GRIN3A: variants seen among roughly 807,000 people sequenced by gnomAD.
GRIN3A encodes glutamate receptor ionotropic, NMDA 3A.
GRIN3A carries 47 observed loss-of-function variants against 92.4 expected under a neutral mutation model. The ratio of observed to expected loss-of-function variants is 0.51; its 90% confidence interval spans 0.40 to 0.65. The LOEUF (loss-of-function observed/expected upper bound fraction) is 0.65, where lower values mean the gene tolerates loss of function less well. Ranked by LOEUF, GRIN3A falls within the 30% of genes least tolerant of loss-of-function variation. GRIN3A has a pLI of 0.00. For synonymous variants in GRIN3A, 527 were observed against 540.6 expected (o/e 0.97, Z 0.35); for missense variants, 1,324 against 1,393.1 (o/e 0.95, Z 0.79).
At chr9:101,637,068 C>T (rs1219173063) in intron 3 of GRIN3A, among the ~76,000 whole-genome samples, 1 of 152,088 alleles carries the variant, frequency 6.6e-6, no homozygotes, top group Non-Finnish European at 1.5e-5. Flanking sequence ...TTCCCTCATA[C>T]ACATTTCTGC....
chr9:101,649,897 T>C (rs995899258), intron 3 of GRIN3A, among the ~76,000 whole-genome samples: 1 of 152,006 alleles, frequency 6.6e-6, no homozygotes, highest in Non-Finnish European at 1.5e-5. Context: ...GTGTAGTGCA[T>C]TTTGTCTGTT....
rs754483512 is a variant in GRIN3A, at chr9:101,669,233, G to A, written c.2352+827C>T. Among the ~76,000 whole-genome samples the A allele has an allele frequency of 7.9e-5, 12 of 152,034 alleles. No homozygotes were observed. The South Asian group carries it at 1.5e-3, about 18-fold the overall frequency. ...CAGTCCCCTCTCTCTAGTCCTATTG[G>A]GCTGGACTAATTTTCTGTACCCCAG... On this transcript the variant is annotated intron_variant, in intron 3 of 8. Transcript: ENST00000361820.
chr9:101,737,212 C>T (rs1042013879), intron 1 of GRIN3A, 69 bp downstream of exon 1: 1 of 1,312,294 alleles, frequency 7.6e-7, no homozygotes, highest in African/African-American at 1.5e-5. Context: ...GCCGTTTTCT[C>T]TCCCCTCATG....
intron 6 of GRIN3A, among the ~76,000 whole-genome samples, chr9:101,598,382 T>G (rs1461647541): frequency 1.3e-5 from 2 of 152,142 alleles, no homozygotes; most frequent in Non-Finnish European, 2.9e-5. Flanking sequence ...TATTTGATGG[T>G]TGAATTATTA....
At chr9:101,674,755 T>C (rs1829372383) in intron 2 of GRIN3A, among the ~76,000 whole-genome samples, 1 of 151,980 alleles carries the variant, frequency 6.6e-6, no homozygotes, top group Admixed American at 6.6e-5. Flanking sequence ...TCTAAACAAA[T>C]CTTCCAGAGT....
Position 101,671,066 on chromosome 9 carries a change from A to G in GRIN3A, c.1346T>C (p.Ile449Thr). ...NTTFRGLSGS[I>T]RVKGSTIVSS... Reference sequence around the variant, plus strand: ...GACGATGGTGGAACCTTTTACTCTGATGGAACCACTGAGGCCTCTGAAAGT... The same window carrying G: ...GACGATGGTGGAACCTTTTACTCTGGTGGAACCACTGAGGCCTCTGAAAGT... The change falls in exon 3 of 9, where the codon ATC (isoleucine) becomes ACC (threonine). Residue 449 changes from isoleucine to threonine, a missense_variant. Ile to Thr is a moderately conservative substitution (Grantham distance 89, BLOSUM62 -1). Transcript: ENST00000361820. The G allele has an allele frequency of 6.2e-7, 1 of 1,613,932 alleles. No individual in the cohort carries two copies. The highest frequency in any genetic ancestry group is 8.5e-7 in the Non-Finnish European group (1 of 1,179,862).
intron 3 of GRIN3A, among the ~76,000 whole-genome samples, chr9:101,636,527 G>T (rs1311605180): frequency 6.6e-6 from 1 of 152,136 alleles, no homozygotes; most frequent in East Asian, 1.9e-4. Context: ...GCAGATCAAG[G>T]ACATGAATCC....
chr9:101,607,668 A>G (rs1026586839), intron 6 of GRIN3A, among the ~76,000 whole-genome samples: 5 of 152,220 alleles, frequency 3.3e-5, no homozygotes, highest in African/African-American at 1.2e-4. Flanking sequence ...ACTCGCCAAA[A>G]GTAAGTTGGT....
chr9:101,734,077 T>C (rs1371720457), intron 1 of GRIN3A, among the ~76,000 whole-genome samples: 1 of 152,122 alleles, frequency 6.6e-6, no homozygotes, highest in Non-Finnish European at 1.5e-5. Flanking sequence ...ATAGAACCAA[T>C]ATGAAGTTAA....
chr9:101,685,573 T>C (rs920433665), intron 2 of GRIN3A, among the ~76,000 whole-genome samples: 2 of 152,002 alleles, frequency 1.3e-5, no homozygotes, highest in Non-Finnish European at 2.9e-5. Flanking sequence ...TTTAAGGATA[T>C]TCCCCCTTTC....
chr9:101,598,945 T>C (rs921371939), intron 6 of GRIN3A, among the ~76,000 whole-genome samples: 3 of 152,212 alleles, frequency 2.0e-5, no homozygotes, highest in Non-Finnish European at 4.4e-5. Flanking sequence ...GAGTAATTCC[T>C]TGATAGTCAT....
chr9:101,691,442 G>A (rs1418148917), intron 1 of GRIN3A, among the ~76,000 whole-genome samples: 1 of 152,154 alleles, frequency 6.6e-6, no homozygotes, highest in East Asian at 1.9e-4. Flanking sequence ...GGGGTTGGGA[G>A]AGACGAGTAT....
chr9:101,629,272 T>TAC (rs142581524), intron 3 of GRIN3A, among the ~76,000 whole-genome samples: 60 of 151,950 alleles, frequency 3.9e-4, no homozygotes, highest in South Asian at 1.2e-3. Flanking sequence ...ATATATATTA[T>TAC]ACACACACAC....
rs978518794 is a variant in GRIN3A at position 101,569,592 on chromosome 9, C to T, written c.*3582G>A. On this transcript the variant is annotated 3_prime_UTR_variant, in exon 9 of 9. Coordinates refer to ENST00000361820, the MANE Select transcript of GRIN3A (RefSeq NM_133445.3). ...AACCTTAAGAAAATACTTATAAATA[C>T]ATTATTTTCATAAAATGATTAGTAA... 2 of 151,902 alleles carry T rather than the reference C, an allele frequency of 1.3e-5. No homozygotes were observed. Among genetic ancestry groups the T allele is most frequent in the Non-Finnish European group, 2.9e-5 (2 of 68,006 alleles). The allele number at this position is 151,902 out of a possible 1,614,324, so 9.4% of individuals were successfully genotyped here.
intron 2 of GRIN3A, among the ~76,000 whole-genome samples, chr9:101,672,660 G>T (rs1829343551): frequency 6.6e-6 from 1 of 152,098 alleles, no homozygotes; most frequent in South Asian, 2.1e-4. Flanking sequence ...AAATCAGAAA[G>T]TGTGAAGTAC....
chr9:101,625,537 T>C (rs1048301433), intron 4 of GRIN3A, among the ~76,000 whole-genome samples: 6 of 152,212 alleles, frequency 3.9e-5, no homozygotes, highest in African/African-American at 1.4e-4. Flanking sequence ...TGCTTTCTTA[T>C]CCTACTCTTC....
At chr9:101,594,706 G>C (rs768315406) in intron 6 of GRIN3A, 1 of 1,614,144 alleles carries the variant, frequency 6.2e-7, no homozygotes, top group South Asian at 1.1e-5. Flanking sequence ...TGAATTCCTT[G>C]AAGTCCACTT....
chr9:101,685,884 CTT>C (rs893815959), intron 2 of GRIN3A, among the ~76,000 whole-genome samples: 7 of 152,110 alleles, frequency 4.6e-5, no homozygotes, highest in African/African-American at 9.6e-5. Context: ...AGGATCTACT[CTT>C]ATATCCATTT....
chr9:101,586,251 C>G (rs1357250819), intron 6 of GRIN3A, among the ~76,000 whole-genome samples: 1 of 152,088 alleles, frequency 6.6e-6, no homozygotes, highest in African/African-American at 2.4e-5. Flanking sequence ...TTGTTTATTG[C>G]CTATTTCCCC....
Sources: gnomAD v4.1 joint callset for allele counts (sites outside exome capture counted in the v4.1 genomes callset) on GRCh38, gnomAD v4.1.1 for gene constraint, MANE v1.5 for transcripts, NCBI Gene and HGNC (gene_info 2026-07-23, HGNC 2026-07-21) for gene names.